The following EYS variants were observed in gnomAD, a reference collection of about 807,000 sequenced individuals.
EYS encodes protein eyes shut homolog.
EYS carries 250 observed loss-of-function variants against 282.1 expected under a neutral mutation model. The ratio of observed to expected loss-of-function variants is 0.89; its 90% CI spans 0.80 to 0.98. The LOEUF is 0.98. Ranked by LOEUF, EYS falls within the 50% of genes least tolerant of loss-of-function variation. The probability of loss-of-function intolerance (pLI) is 0.00; values close to 1 mark genes in which losing one functional copy is unlikely to be tolerated. For missense variants in EYS, 4,016 were observed against 3,709.0 expected (o/e 1.08, Z -2.15); for synonymous variants, 1,355 against 1,282.9 (o/e 1.06, Z -1.20).
chr6:63,809,283 T>C (rs994574742), intron 36 of EYS, among the ~76,000 whole-genome samples: 4 of 152,164 alleles, frequency 2.6e-5, no homozygotes, highest in African/African-American at 7.2e-5. Flanking sequence ...TTACAAATCA[T>C]TCTTTTCAAT....
intron 12 of EYS, among the ~76,000 whole-genome samples, chr6:65,114,686 G>A (rs975618): frequency 0.26 from 39,727 of 151,496 alleles, 6,391 homozygotes; most frequent in African/African-American, 0.45. Flanking sequence ...CTGCTTTGAA[G>A]TTATTTATCC....
intron 35 of EYS, among the ~76,000 whole-genome samples, chr6:63,870,341 G>T (rs773475727): frequency 6.6e-6 from 1 of 152,106 alleles, no homozygotes; most frequent in Non-Finnish European, 1.5e-5. Flanking sequence ...TATCAGGAAG[G>T]TAGAAACACA....
intron 14 of EYS, among the ~76,000 whole-genome samples, chr6:64,979,212 A>G (rs1770573412): frequency 6.6e-6 from 1 of 151,834 alleles, no homozygotes; most frequent in African/African-American, 2.4e-5. Context: ...ATTGCAGTAG[A>G]CTAGAATCAA....
At chr6:63,912,315 G>T (rs368603881) in intron 35 of EYS, among the ~76,000 whole-genome samples, 50 of 152,158 alleles carry the variant, frequency 3.3e-4, no homozygotes, top group African/African-American at 1.2e-3. Flanking sequence ...TATTCAATAT[G>T]CAGATAATGT....
At chr6:65,395,697 C>G (rs1305567662) in intron 7 of EYS, among the ~76,000 whole-genome samples, 5 of 151,992 alleles carry the variant, frequency 3.3e-5, no homozygotes, top group Non-Finnish European at 7.4e-5. Context: ...ATGAGATACA[C>G]GTGATGTTTT....
intron 13 of EYS, among the ~76,000 whole-genome samples, chr6:65,000,144 A>G (rs1413785971): frequency 6.6e-6 from 1 of 152,128 alleles, no homozygotes; most frequent in African/African-American, 2.4e-5. Flanking sequence ...ACCCCTATGC[A>G]CTGCGGTGGA....
chr6:63,899,992 C>T (rs148584766), intron 35 of EYS, among the ~76,000 whole-genome samples: 150 of 152,282 alleles, frequency 9.9e-4, no homozygotes, highest in African/African-American at 3.5e-3. Flanking sequence ...AGTGAAAGGA[C>T]ACCTACTCAT....
chr6:65,374,787 G>C (rs991951165), intron 8 of EYS, among the ~76,000 whole-genome samples: 1 of 152,038 alleles, frequency 6.6e-6, no homozygotes, highest in African/African-American at 2.4e-5. Context: ...TGGGCGGAAC[G>C]CATCACAGCA....
intron 26 of EYS, among the ~76,000 whole-genome samples, chr6:64,491,553 C>A (rs1012433794): frequency 2.0e-5 from 3 of 150,892 alleles, no homozygotes; most frequent in Non-Finnish European, 4.5e-5. Flanking sequence ...ATTTACATTT[C>A]TTTGTGCCAG....
chr6:64,774,303 G>A (rs370346390), intron 22 of EYS, among the ~76,000 whole-genome samples: 3 of 151,986 alleles, frequency 2.0e-5, no homozygotes, highest in East Asian at 3.9e-4. Flanking sequence ...GAATAAGGAA[G>A]GGGAAACAGC....
chr6:65,071,968 G>C (rs1414317479), intron 12 of EYS, among the ~76,000 whole-genome samples: 1 of 151,654 alleles, frequency 6.6e-6, no homozygotes, highest in African/African-American at 2.4e-5. Flanking sequence ...CTAGTGTCTT[G>C]ATATTGACTT....
chr6:65,490,379 A>G (rs1687015858), intron 5 of EYS: 1 of 417,254 alleles, frequency 2.4e-6, no homozygotes, highest in Admixed American at 3.9e-5. Flanking sequence ...ACTGTTGTTC[A>G]GACTCTTCTT....
In EYS at chr6:64,914,965, A is replaced by G. The variant is rs1049360413; in HGVS notation, c.2382-2222T>C. 3.9e-5 allele frequency among the ~76,000 whole-genome samples: 6 copies of G among 152,218 alleles called. No individual in the cohort carries two copies. The East Asian group carries it at 1.2e-3, about 29-fold the overall frequency. On this transcript the variant is annotated intron_variant, in intron 15 of 42. Coordinates refer to ENST00000503581, the MANE Select transcript of EYS (RefSeq NM_001142800.2). ...TACCTAAGGGTATGTTATTTACTTA[A>G]TATTTTATTTTCTTCTCAAAATCAA...
At chr6:65,571,327 A>G (rs991163240) in intron 2 of EYS, among the ~76,000 whole-genome samples, 14 of 152,054 alleles carry the variant, frequency 9.2e-5, no homozygotes, top group Admixed American at 8.5e-4. Context: ...ATGAAAACCA[A>G]GGTGAACAAG....
intron 22 of EYS, among the ~76,000 whole-genome samples, chr6:64,708,817 G>A (rs1042774262): frequency 6.6e-6 from 1 of 152,152 alleles, no homozygotes; most frequent in Admixed American, 6.5e-5. Flanking sequence ...GATGCCTGCT[G>A]TGCCATGAAA....
At chr6:65,375,762 C>CA (rs1188663578) in intron 8 of EYS, among the ~76,000 whole-genome samples, 1 of 151,644 alleles carries the variant, frequency 6.6e-6, no homozygotes, top group Non-Finnish European at 1.5e-5. Flanking sequence ...GTTGCTCAAG[C>CA]AGAAGAAAGG....
chr6:64,643,114 C>CCA (rs1439807807), intron 22 of EYS, among the ~76,000 whole-genome samples: 3 of 39,630 alleles, frequency 7.6e-5, no homozygotes, highest in Non-Finnish European at 1.6e-4. Context: ...AAACTCCATC[C>CCA]CCCCCCCCAA....
At chr6:64,489,111 G>A (rs1776660565) in intron 26 of EYS, among the ~76,000 whole-genome samples, 1 of 150,824 alleles carries the variant, frequency 6.6e-6, no homozygotes. Flanking sequence ...CCAGCTTTCT[G>A]TTCTTTAGTT....
intron 41 of EYS, among the ~76,000 whole-genome samples, chr6:63,742,671 C>T (rs988785009): frequency 6.6e-6 from 1 of 152,168 alleles, no homozygotes; most frequent in East Asian, 1.9e-4. Flanking sequence ...ACTACCCCTA[C>T]CCCACAATAT....
Sources: allele counts gnomAD v4.1 joint callset (sites outside exome capture counted in the v4.1 genomes callset), GRCh38; gene constraint gnomAD v4.1.1; transcripts MANE v1.5; gene names NCBI Gene and HGNC (gene_info 2026-07-23, HGNC 2026-07-21).